The following RUBCN variants were observed in gnomAD, a reference collection of about 807,000 sequenced individuals.
RUBCN encodes the protein rubicon autophagy regulator.
A neutral mutation model predicts 113.2 loss-of-function variants in RUBCN; 74 were observed. The ratio of observed to expected loss-of-function variants is 0.65; its 90% CI spans 0.54 to 0.79. The LOEUF (loss-of-function observed/expected upper bound fraction) is 0.79. Ranked by LOEUF, RUBCN falls within the 30% of genes least tolerant of loss-of-function variation. RUBCN has a pLI of 0.00. For missense variants in RUBCN, 1,109 were observed against 1,251.7 expected (o/e 0.89, Z 1.72); for synonymous variants, 480 against 490.0 (o/e 0.98, Z 0.27).
In RUBCN at chr3:197,672,578, C is replaced by A. The variant is rs577026658; in HGVS notation, c.*2440G>T. On this transcript the variant is annotated 3_prime_UTR_variant, in exon 20 of 20. Coordinates refer to ENST00000296343, the MANE Select transcript of RUBCN (RefSeq NM_014687.4). Reference sequence around the variant, plus strand: ...GAGGAGCCTATGAGACTGTTGAGTTCGGCTTCAGAAGCTGTCAGCATTGTC... The same window carrying A: ...GAGGAGCCTATGAGACTGTTGAGTTAGGCTTCAGAAGCTGTCAGCATTGTC... The A allele has an allele frequency of 1.3e-5, 2 of 152,358 alleles. No individual in the cohort carries two copies. Among genetic ancestry groups the A allele is most frequent in the African/African-American group, 4.8e-5 (2 of 41,568 alleles). 9.4% of individuals were successfully genotyped at this position (152,358 alleles called of 1,614,324 possible). A position where few individuals can be genotyped will look rare whatever the true frequency, so the allele number is the denominator to read the frequency against.
At chr3:197,731,184 G>T (rs1224513811) in intron 1 of RUBCN, among the ~76,000 whole-genome samples, 1 of 151,896 alleles carries the variant, frequency 6.6e-6, no homozygotes, top group Non-Finnish European at 1.5e-5. Flanking sequence ...AGATTAGGGA[G>T]TGGTGATGAC....
chr3:197,709,320 C>G (rs1416873518), intron 2 of RUBCN, among the ~76,000 whole-genome samples: 2 of 152,022 alleles, frequency 1.3e-5, no homozygotes, highest in Non-Finnish European at 2.9e-5. Context: ...ATCACCACCA[C>G]CACCACCAAC....
At chr3:197,735,445 T>C (rs1343749238) in intron 1 of RUBCN, among the ~76,000 whole-genome samples, 1 of 152,202 alleles carries the variant, frequency 6.6e-6, no homozygotes, top group Non-Finnish European at 1.5e-5. Flanking sequence ...ATGACTCCCT[T>C]AAGCCACATT....
chr3:197,735,596 C>G (rs1728029811), intron 1 of RUBCN, among the ~76,000 whole-genome samples: 1 of 152,010 alleles, frequency 6.6e-6, no homozygotes, highest in Admixed American at 6.6e-5. Flanking sequence ...GTTTCTTTGG[C>G]TTTTTGTTTT....
chr3:197,685,830 G>C (rs1219026972), intron 11 of RUBCN, among the ~76,000 whole-genome samples: 3 of 152,188 alleles, frequency 2.0e-5, no homozygotes, highest in Non-Finnish European at 4.4e-5. Context: ...GTAGAGAAAA[G>C]AAAAACAGTA....
At chr3:197,676,572 C>T in intron 18 of RUBCN, 1 of 1,228,234 alleles carries the variant, frequency 8.1e-7, no homozygotes, top group Non-Finnish European at 1.0e-6. Context: ...CTCGGCCTCC[C>T]AAATTGCTGG....
chr3:197,693,102 T>C (rs1722606055), intron 11 of RUBCN, among the ~76,000 whole-genome samples: 1 of 152,172 alleles, frequency 6.6e-6, no homozygotes, highest in Non-Finnish European at 1.5e-5. Flanking sequence ...ATCTATGATT[T>C]GCAGGAGTGG....
chr3:197,720,953 CAT>C (rs1726090724), intron 1 of RUBCN, among the ~76,000 whole-genome samples: 2 of 152,034 alleles, frequency 1.3e-5, no homozygotes, highest in Non-Finnish European at 2.9e-5. Flanking sequence ...CTTTTCTCCC[CAT>C]CCTCACCGAC....
At chr3:197,684,057 A>G (rs763164717) in intron 12 of RUBCN, 100 bp downstream of exon 12, 11 of 942,804 alleles carry the variant, frequency 1.2e-5, no homozygotes, top group Non-Finnish European at 1.6e-5. Flanking sequence ...CTCCTCTTAC[A>G]TCTGGATGGC....
intron 16 of RUBCN, among the ~76,000 whole-genome samples, chr3:197,679,396 CT>C (rs1281457364): frequency 1.4e-5 from 2 of 143,702 alleles, no homozygotes; most frequent in African/African-American, 5.4e-5. Context: ...AACTTGTCAA[CT>C]GGCTTCAGAC....
At chr3:197,676,697 G>C in intron 18 of RUBCN, 188 bp downstream of exon 18, 1 of 1,448,540 alleles carries the variant, frequency 6.9e-7, no homozygotes, top group Non-Finnish European at 9.0e-7. Context: ...CTCACTCGAG[G>C]TTCTTTAGAT....
chr3:197,708,926 A>G (rs1724637322), intron 2 of RUBCN, among the ~76,000 whole-genome samples: 1 of 152,166 alleles, frequency 6.6e-6, no homozygotes, highest in Non-Finnish European at 1.5e-5. Flanking sequence ...TAGGGGAAAA[A>G]TGAAAAATGA....
At chr3:197,701,591 AT>A (rs1723679106) in intron 6 of RUBCN, 116 bp downstream of exon 6, 1 of 869,816 alleles carries the variant, frequency 1.1e-6, no homozygotes, top group Admixed American at 2.1e-5. Context: ...GATGTCCCTT[AT>A]TAAGAAAAAC....
chr3:197,690,053 C>T (rs1419411781), intron 11 of RUBCN, among the ~76,000 whole-genome samples: 2 of 152,178 alleles, frequency 1.3e-5, no homozygotes, highest in Admixed American at 6.5e-5. Context: ...AACACGGGAG[C>T]TCCTGTAATA....
intron 1 of RUBCN, among the ~76,000 whole-genome samples, chr3:197,724,305 C>T (rs1726493705): frequency 6.6e-6 from 1 of 152,060 alleles, no homozygotes; most frequent in African/African-American, 2.4e-5. Context: ...TAAAAAGCTA[C>T]AAAACTCTGT....
chr3:197,685,608 A>G lies in RUBCN; in HGVS notation c.1787-1391T>C, dbSNP rs183878400. Among the ~76,000 whole-genome samples, 17 of 152,334 alleles carry G rather than the reference A, an allele frequency of 1.1e-4. No homozygotes were observed. In the East Asian group the frequency reaches 2.9e-3, roughly 26 times the overall value. ...GACAAACTAATGTCTTCAAAGCTAC[A>G]TGTATGAGTAAGGTAACAGAAGTCA... On this transcript the variant is annotated intron_variant, in intron 11 of 19. Transcript: ENST00000296343.
chr3:197,733,184 C>G (rs973380631), intron 1 of RUBCN, among the ~76,000 whole-genome samples: 5 of 152,192 alleles, frequency 3.3e-5, no homozygotes, highest in African/African-American at 1.2e-4. Context: ...TTTAAAATGA[C>G]ACTACCGGCT....
In RUBCN at chr3:197,736,824, T is replaced by C. The variant is rs1728195799; in HGVS notation, c.-105A>G. 2 of 1,432,194 alleles carry C rather than the reference T, an allele frequency of 1.4e-6. No individual in the cohort carries two copies. Among genetic ancestry groups the C allele is most frequent in the East Asian group, 2.7e-5 (1 of 36,442 alleles). 88.7% of individuals were successfully genotyped at this position (1,432,194 alleles called of 1,614,324 possible). ...GGCCGGAGGAGGCACCTGCGGCCGGTGGGCTCCGGGTGATGCGCTACACCC... is the reference window on the plus strand; with the variant it reads ...GGCCGGAGGAGGCACCTGCGGCCGGCGGGCTCCGGGTGATGCGCTACACCC... On this transcript the variant is annotated 5_prime_UTR_variant, in exon 1 of 20. Transcript: ENST00000296343.
At chr3:197,739,986 G>T (rs1279680703), upstream of RUBCN, among the ~76,000 whole-genome samples, 1 of 152,120 alleles carries the variant, frequency 6.6e-6, no homozygotes, top group Admixed American at 6.5e-5. Flanking sequence ...GTTGCAGTGA[G>T]CTGAGATTGT....
Sources: gnomAD v4.1 joint callset for allele counts (sites outside exome capture counted in the v4.1 genomes callset) on GRCh38, gnomAD v4.1.1 for gene constraint, MANE v1.5 for transcripts, NCBI Gene and HGNC (gene_info 2026-07-23, HGNC 2026-07-21) for gene names.